Variants in TTLL5 observed in about 807,000 individuals in gnomAD.
The protein encoded by TTLL5 is tubulin tyrosine ligase like 5, also known as tubulin polyglutamylase TTLL5.
In TTLL5, 132 loss-of-function variants were observed where a neutral mutation model predicts 168.4. That is an observed-to-expected ratio of 0.78 (90% CI 0.68 to 0.91). The LOEUF (loss-of-function observed/expected upper bound fraction) is 0.91, where lower values mean the gene tolerates loss of function less well. Among genes scored for constraint, TTLL5 ranks in the 40% least tolerant of loss-of-function variants. TTLL5 has a pLI of 0.00. For synonymous variants in TTLL5, 546 were observed against 558.6 expected (o/e 0.98, Z 0.32); for missense variants, 1,545 against 1,581.5 (o/e 0.98, Z 0.39).
chr14:75,876,437 G>A (rs1358984273), intron 29 of TTLL5, among the ~76,000 whole-genome samples: 2 of 152,172 alleles, frequency 1.3e-5, no homozygotes, highest in Admixed American at 6.5e-5. Flanking sequence ...ATCCTTTAGA[G>A]TAGGTCATTT....
Position 75,724,594 on chromosome 14 carries a change from C to G in TTLL5, c.1042+3891C>G, listed in dbSNP as rs558650918. 1.6e-3 allele frequency among the ~76,000 whole-genome samples: 239 copies of G among 152,266 alleles called. 1 individual carries two copies. Among genetic ancestry groups the G allele is most frequent in the African/African-American group, 5.6e-3 (231 of 41,552 alleles). ...AAATTGAAACCCTGAGAAATGAACTCTATGTTCCAGGTTCTAGAGTTAGTG... is the reference window on the plus strand; with the variant it reads ...AAATTGAAACCCTGAGAAATGAACTGTATGTTCCAGGTTCTAGAGTTAGTG... On this transcript the variant is annotated intron_variant, in intron 12 of 31. Coordinates refer to ENST00000298832, the MANE Select transcript of TTLL5 (RefSeq NM_015072.5).
intron 2 of TTLL5, among the ~76,000 whole-genome samples, chr14:75,669,183 A>T (rs917684504): frequency 4.9e-4 from 74 of 152,182 alleles, no homozygotes; most frequent in African/African-American, 1.6e-3. Context: ...ATTATACTGG[A>T]TGATGAAGTA....
Position 75,707,674 on chromosome 14 carries a change from T to C in TTLL5, c.707T>C (p.Leu236Pro). The C allele has an allele frequency of 1.2e-6, 2 of 1,613,482 alleles. No individual in the cohort carries two copies. Among genetic ancestry groups the C allele is most frequent in the South Asian group, 2.2e-5 (2 of 91,014 alleles). ...LYVLVTSYDP[L>P]VIYLYEEGLA... Reference sequence around the variant, plus strand: ...GTGCTCGTGACTTCCTATGATCCTCTTGTCATCTATCTCTATGAAGAAGGA... The same window carrying C: ...GTGCTCGTGACTTCCTATGATCCTCCTGTCATCTATCTCTATGAAGAAGGA... Residue 236 changes from leucine (L) to proline (P), a missense_variant, in exon 9 of 32, where the codon CTT (leucine) becomes CCT (proline). Coordinates refer to ENST00000298832, the MANE Select transcript of TTLL5 (RefSeq NM_015072.5).
At chr14:75,804,734 A>T (rs1311050666) in intron 27 of TTLL5, among the ~76,000 whole-genome samples, 3 of 152,210 alleles carry the variant, frequency 2.0e-5, no homozygotes, top group African/African-American at 4.8e-5. Flanking sequence ...AGTCAGCAAG[A>T]CCTTGGACAA....
chr14:75,873,337 G>A (rs2139991868), intron 29 of TTLL5, among the ~76,000 whole-genome samples: 1 of 152,244 alleles, frequency 6.6e-6, no homozygotes, highest in South Asian at 2.1e-4. Flanking sequence ...GCCTCCCAAA[G>A]TGCTGGGATT....
At chr14:75,936,436 G>T (rs540139041) in intron 31 of TTLL5, among the ~76,000 whole-genome samples, 1 of 151,986 alleles carries the variant, frequency 6.6e-6, no homozygotes, top group African/African-American at 2.4e-5. Flanking sequence ...TCTGCTTCAC[G>T]TCTTTCCATC....
Position 75,850,121 on chromosome 14 carries a change from C to A in TTLL5, c.3327-13546C>A, listed in dbSNP as rs918382390. 2.0e-5 allele frequency among the ~76,000 whole-genome samples: 3 copies of A among 151,548 alleles called. No individual in the cohort carries two copies. The East Asian group carries it at 5.8e-4, about 29-fold the overall frequency. ...AAAAAATAAAAATAAAAAAAAAAAT[C>A]TGGGGCCGGGCACGGTGGCTCATGC... On this transcript the variant is annotated intron_variant, in intron 28 of 31. Coordinates refer to ENST00000298832, the MANE Select transcript of TTLL5 (RefSeq NM_015072.5).
At chr14:75,695,156 A>G (rs1056119002) in intron 6 of TTLL5, among the ~76,000 whole-genome samples, 1 of 152,218 alleles carries the variant, frequency 6.6e-6, no homozygotes, top group African/African-American at 2.4e-5. Context: ...AGCCCTGAGA[A>G]AGAGAATGCA....
chr14:75,727,939 G>A, intron 12 of TTLL5: 2 of 427,516 alleles, frequency 4.7e-6, no homozygotes. Flanking sequence ...GGGCTGACAG[G>A]CATGTGGGTT....
intron 9 of TTLL5, among the ~76,000 whole-genome samples, chr14:75,715,953 G>C (rs977110195): frequency 2.0e-5 from 3 of 152,134 alleles, no homozygotes; most frequent in Non-Finnish European, 4.4e-5. Flanking sequence ...GTAACTACAA[G>C]AGATGAAAAG....
chr14:75,753,056 ATCTCTGC>A, intron 18 of TTLL5, 101 bp downstream of exon 18: 1 of 1,168,454 alleles, frequency 8.6e-7, no homozygotes, highest in Non-Finnish European at 1.2e-6. Flanking sequence ...TTTATGTAAA[ATCTCTGC>A]TAGAAAAAAA....
chr14:75,900,142 GA>G (rs920017821), intron 30 of TTLL5, among the ~76,000 whole-genome samples: 46 of 152,250 alleles, frequency 3.0e-4, no homozygotes, highest in African/African-American at 1.0e-3. Context: ...TGCTTTGGGA[GA>G]GTTTTTGGGT....
At chr14:75,704,550 A>G (rs1429496409) in intron 7 of TTLL5, among the ~76,000 whole-genome samples, 1 of 152,214 alleles carries the variant, frequency 6.6e-6, no homozygotes, top group African/African-American at 2.4e-5. Flanking sequence ...GAAAAGAAAG[A>G]TGTGTTTCCA....
intron 6 of TTLL5, among the ~76,000 whole-genome samples, chr14:75,695,898 C>T (rs1374045001): frequency 2.8e-5 from 4 of 141,098 alleles, no homozygotes; most frequent in African/African-American, 5.3e-5. Context: ...TCCTTCCTTC[C>T]CTTCCCCTCC....
At chr14:75,766,392 T>C in intron 20 of TTLL5, 24 bp downstream of exon 20, 2 of 1,570,220 alleles carry the variant, frequency 1.3e-6, no homozygotes, top group Non-Finnish European at 1.7e-6. Flanking sequence ...ATAATTATAT[T>C]AGTAAAACTG....
At chr14:75,735,138 A>G in intron 14 of TTLL5, 57 bp from the exon 15 acceptor site, 1 of 1,520,236 alleles carries the variant, frequency 6.6e-7, no homozygotes, top group Non-Finnish European at 9.1e-7. Context: ...AGGTGCAGCC[A>G]GACCTGCTAA....
chr14:75,708,560 C>T (rs1374432791), intron 9 of TTLL5, among the ~76,000 whole-genome samples: 2 of 151,858 alleles, frequency 1.3e-5, no homozygotes, highest in Admixed American at 6.6e-5. Context: ...CTCCTGACCT[C>T]GTGATCCGCC....
intron 7 of TTLL5, among the ~76,000 whole-genome samples, chr14:75,705,296 C>T (rs1002503138): frequency 1.3e-5 from 2 of 152,178 alleles, no homozygotes; most frequent in Non-Finnish European, 2.9e-5. Flanking sequence ...AGAGGACTCT[C>T]ATTCTGACTT....
At chr14:75,878,177 G>A (rs1308503797) in intron 29 of TTLL5, among the ~76,000 whole-genome samples, 1 of 152,112 alleles carries the variant, frequency 6.6e-6, no homozygotes, top group African/African-American at 2.4e-5. Flanking sequence ...TTGAATCTGT[G>A]GTAGATTGAG....
Sources: gnomAD v4.1 joint callset for allele counts (sites outside exome capture counted in the v4.1 genomes callset) on GRCh38, gnomAD v4.1.1 for gene constraint, MANE v1.5 for transcripts, NCBI Gene and HGNC (gene_info 2026-07-23, HGNC 2026-07-21) for gene names.